NDST4: variants seen among roughly 807,000 people sequenced by gnomAD.
The protein encoded by NDST4 is N-heparan sulfate sulfotransferase 4.
In NDST4, 63 loss-of-function variants were observed where a neutral mutation model predicts 100.8. The observed-to-expected ratio is 0.62, with a 90% CI of 0.51 to 0.77. NDST4 has a LOEUF of 0.77. Among genes scored for constraint, NDST4 ranks in the 30% least tolerant of loss-of-function variants. The pLI, the probability that NDST4 is intolerant of heterozygous loss-of-function variation, is 0.00. For missense variants in NDST4, 943 were observed against 1,018.4 expected, an observed-to-expected ratio of 0.93 and a Z score of 1.01; for synonymous variants, 377 against 361.8, an observed-to-expected ratio of 1.04 and a Z score of -0.48.
chr4:115,032,630 A>C (rs1480262708), intron 2 of NDST4, among the ~76,000 whole-genome samples: 5 of 152,138 alleles, frequency 3.3e-5, no homozygotes, highest in African/African-American at 4.8e-5. Context: ...ATAATAGAGT[A>C]ATGCATAGTT....
At chr4:115,018,158 T>G (rs1055214919) in intron 2 of NDST4, among the ~76,000 whole-genome samples, 2 of 151,840 alleles carry the variant, frequency 1.3e-5, no homozygotes, top group South Asian at 4.1e-4. Context: ...ATAAATGAAA[T>G]GAAGCTACTA....
chr4:115,085,154 G>A (rs982021097), intron 1 of NDST4, among the ~76,000 whole-genome samples: 2 of 152,290 alleles, frequency 1.3e-5, no homozygotes, highest in African/African-American at 4.8e-5. Context: ...TAAGCTTAAT[G>A]ACTGCCCTAT....
chr4:115,021,500 C>T (rs1285672534), intron 2 of NDST4, among the ~76,000 whole-genome samples: 6 of 144,804 alleles, frequency 4.1e-5, no homozygotes, highest in Admixed American at 7.1e-5. Flanking sequence ...TATATACACA[C>T]GTTCCACATA....
At chr4:115,022,426 A>ATG (rs1553918286) in intron 2 of NDST4, among the ~76,000 whole-genome samples, 3 of 111,976 alleles carry the variant, frequency 2.7e-5, no homozygotes, top group African/African-American at 2.9e-5. Flanking sequence ...TTCCATATAT[A>ATG]TGTGTTCCAT....
intron 6 of NDST4, among the ~76,000 whole-genome samples, chr4:114,878,918 T>C (rs1422484098): frequency 6.6e-6 from 1 of 152,094 alleles, no homozygotes; most frequent in African/African-American, 2.4e-5. Flanking sequence ...CCTATGATAA[T>C]ATAATTTCTG....
At chr4:114,892,653 G>A (rs1025514907) in intron 6 of NDST4, among the ~76,000 whole-genome samples, 2 of 151,890 alleles carry the variant, frequency 1.3e-5, no homozygotes, top group African/African-American at 2.4e-5. Context: ...TGGGTATACC[G>A]GAGATAAGAG....
At chr4:115,033,786 T>G (rs2126271094) in intron 2 of NDST4, among the ~76,000 whole-genome samples, 1 of 135,986 alleles carries the variant, frequency 7.4e-6, no homozygotes, top group African/African-American at 2.5e-5. Context: ...ATTTAAAAAT[T>G]TTATTTCTTC....
intron 4 of NDST4, among the ~76,000 whole-genome samples, chr4:114,937,929 T>G (rs1024146533): frequency 6.6e-6 from 1 of 152,030 alleles, no homozygotes; most frequent in Non-Finnish European, 1.5e-5. Context: ...AAGGTAACTA[T>G]GAATAATGAA....
chr4:114,859,349 C>T (rs558535414), intron 7 of NDST4, among the ~76,000 whole-genome samples: 2 of 152,148 alleles, frequency 1.3e-5, no homozygotes, highest in Non-Finnish European at 2.9e-5. Context: ...CTGATTTCAC[C>T]TTTGGGACCA....
At chr4:115,024,255 A>G (rs889096018) in intron 2 of NDST4, among the ~76,000 whole-genome samples, 2 of 152,016 alleles carry the variant, frequency 1.3e-5, no homozygotes, top group African/African-American at 4.8e-5. Context: ...TCACCTTGAA[A>G]ACCCTAGAAC....
chr4:115,033,191 T>C (rs2126270802), intron 2 of NDST4, among the ~76,000 whole-genome samples: 1 of 147,566 alleles, frequency 6.8e-6, no homozygotes, highest in Admixed American at 6.8e-5. Context: ...TCTCACTCTT[T>C]TGCCCAGGCT....
At chr4:115,035,056 T>G (rs1728203454) in intron 2 of NDST4, among the ~76,000 whole-genome samples, 1 of 152,134 alleles carries the variant, frequency 6.6e-6, no homozygotes, top group Non-Finnish European at 1.5e-5. Context: ...TGTTCCTTAG[T>G]GTACCCAAAC....
At chr4:114,949,863 A>G (rs1371858746) in intron 4 of NDST4, among the ~76,000 whole-genome samples, 1 of 152,032 alleles carries the variant, frequency 6.6e-6, no homozygotes, top group African/African-American at 2.4e-5. Flanking sequence ...TTGAGTATAC[A>G]TTTAGAAGTG....
chr4:115,072,788 G>C (rs1342327618), intron 2 of NDST4, among the ~76,000 whole-genome samples: 1 of 151,838 alleles, frequency 6.6e-6, no homozygotes, highest in Non-Finnish European at 1.5e-5. Context: ...AAGATTTTTA[G>C]ATATGACCCA....
At chr4:115,046,567 A>T (rs1728467355) in intron 2 of NDST4, among the ~76,000 whole-genome samples, 1 of 152,122 alleles carries the variant, frequency 6.6e-6, no homozygotes, top group Non-Finnish European at 1.5e-5. Context: ...AGCCTCCTTT[A>T]ATCATTAATC....
intron 6 of NDST4, among the ~76,000 whole-genome samples, chr4:114,873,424 A>G (rs1178994137): frequency 6.6e-6 from 1 of 151,782 alleles, no homozygotes; most frequent in Non-Finnish European, 1.5e-5. Flanking sequence ...AATTTAAATT[A>G]TTTAAAAATT....
chr4:114,856,946 G>A (rs1429099647), intron 7 of NDST4, among the ~76,000 whole-genome samples: 2 of 152,146 alleles, frequency 1.3e-5, no homozygotes, highest in Non-Finnish European at 2.9e-5. Flanking sequence ...GTAGCACAGT[G>A]CTAGGAAATA....
At chr4:114,836,903 C>T (rs1392229033) in intron 11 of NDST4, among the ~76,000 whole-genome samples, 3 of 152,000 alleles carry the variant, frequency 2.0e-5, no homozygotes, top group Non-Finnish European at 4.4e-5. Flanking sequence ...TCTGCTTGAT[C>T]GATTCGGCTA....
chr4:114,993,805 G>C (rs1024247591), intron 2 of NDST4, among the ~76,000 whole-genome samples: 1 of 151,850 alleles, frequency 6.6e-6, no homozygotes, highest in Non-Finnish European at 1.5e-5. Context: ...TTGTACCACT[G>C]CAACTCAGGA....
Sources: gnomAD v4.1 joint callset for allele counts (sites outside exome capture counted in the v4.1 genomes callset) on GRCh38, gnomAD v4.1.1 for gene constraint, MANE v1.5 for transcripts, NCBI Gene and HGNC (gene_info 2026-07-23, HGNC 2026-07-21) for gene names.